The following GPATCH2 variants were observed in gnomAD, a reference collection of about 807,000 sequenced individuals.
The protein encoded by GPATCH2 is G-patch domain containing 2.
A neutral mutation model predicts 58.0 loss-of-function variants in GPATCH2; 51 were observed. That is an observed-to-expected ratio of 0.88 (90% CI 0.70 to 1.11). GPATCH2 has a LOEUF of 1.11. GPATCH2 is among the 50% of genes most tolerant of loss of function. The pLI is 0.00. For missense variants in GPATCH2, 625 were observed against 652.2 expected, an observed-to-expected ratio of 0.96 and a Z score of 0.45; for synonymous variants, 222 against 218.5, an observed-to-expected ratio of 1.02 and a Z score of -0.14.
intron 5 of GPATCH2, among the ~76,000 whole-genome samples, chr1:217,543,309 G>T (rs561547954): frequency 7.4e-6 from 1 of 135,844 alleles, no homozygotes; most frequent in Non-Finnish European, 1.5e-5. Flanking sequence ...TCGCTCTGTC[G>T]CCCAGGCTGG....
At chr1:217,514,714 T>C (rs943145672) in intron 6 of GPATCH2, 108 bp downstream of exon 6, 7 of 547,662 alleles carry the variant, frequency 1.3e-5, no homozygotes, top group Middle Eastern at 2.8e-4. Context: ...TACTTACTCT[T>C]TTTAAAAAGT....
At chr1:217,479,331 A>T (rs568580445) in intron 8 of GPATCH2, among the ~76,000 whole-genome samples, 1 of 152,202 alleles carries the variant, frequency 6.6e-6, no homozygotes, top group Non-Finnish European at 1.5e-5. Flanking sequence ...TTTTCAAGAC[A>T]GTACAAGAAG....
chr1:217,549,581 C>G (rs1335884628), intron 5 of GPATCH2, among the ~76,000 whole-genome samples: 3 of 152,122 alleles, frequency 2.0e-5, no homozygotes, highest in African/African-American at 7.2e-5. Flanking sequence ...CACAGAAGAC[C>G]ATTCAAAAGT....
intron 7 of GPATCH2, chr1:217,494,886 A>G (rs1558433320): frequency 6.7e-6 from 1 of 148,990 alleles, no homozygotes; most frequent in African/African-American, 2.5e-5. Context: ...TTCTTGATAC[A>G]TTTTTTTTTT....
intron 5 of GPATCH2, among the ~76,000 whole-genome samples, chr1:217,540,646 C>G (rs1664692868): frequency 6.6e-6 from 1 of 152,072 alleles, no homozygotes; most frequent in South Asian, 2.1e-4. Context: ...AATTCTGAAC[C>G]ACTTTAGTGG....
intron 5 of GPATCH2, among the ~76,000 whole-genome samples, chr1:217,516,505 A>G (rs955849064): frequency 6.6e-6 from 1 of 152,186 alleles, no homozygotes; most frequent in Non-Finnish European, 1.5e-5. Flanking sequence ...TCCTGCATTC[A>G]TCTCAAAATG....
intron 5 of GPATCH2, among the ~76,000 whole-genome samples, chr1:217,518,069 A>C (rs1220596326): frequency 6.6e-6 from 1 of 152,160 alleles, no homozygotes; most frequent in Non-Finnish European, 1.5e-5. Flanking sequence ...TAACGACTAC[A>C]ATCTGAAATA....
chr1:217,519,372 C>T (rs1663335441), intron 5 of GPATCH2, among the ~76,000 whole-genome samples: 1 of 152,072 alleles, frequency 6.6e-6, no homozygotes, highest in South Asian at 2.1e-4. Context: ...ACTTTTAAAG[C>T]AACATACAAA....
chr1:217,500,259 A>G (rs1277728550), intron 6 of GPATCH2, among the ~76,000 whole-genome samples: 1 of 152,064 alleles, frequency 6.6e-6, no homozygotes, highest in Non-Finnish European at 1.5e-5. Context: ...ATTAAAAAAT[A>G]TCTGAAAATA....
intron 5 of GPATCH2, among the ~76,000 whole-genome samples, chr1:217,604,066 TCTGG>T (rs1053792350): frequency 7.9e-5 from 12 of 151,862 alleles, no homozygotes; most frequent in African/African-American, 2.9e-4. Context: ...AGTGTCAGTT[TCTGG>T]CCGGGCACAG....
At chr1:217,524,225 C>T (rs1170925288) in intron 5 of GPATCH2, among the ~76,000 whole-genome samples, 64 of 49,680 alleles carry the variant, frequency 1.3e-3, no homozygotes, top group South Asian at 3.9e-3. Flanking sequence ...TCAGACAGGG[C>T]GGTTGCCAGG....
chr1:217,567,990 G>A (rs971142250), intron 5 of GPATCH2, among the ~76,000 whole-genome samples: 3 of 152,078 alleles, frequency 2.0e-5, no homozygotes, highest in African/African-American at 7.2e-5. Context: ...GGTGGCGGGC[G>A]CCTGCAGTCC....
chr1:217,531,669 A>C (rs1034357556), intron 5 of GPATCH2, among the ~76,000 whole-genome samples: 1 of 152,210 alleles, frequency 6.6e-6, no homozygotes, highest in Non-Finnish European at 1.5e-5. Flanking sequence ...GCTCATTACT[A>C]TCATTAATGA....
rs1043078883 is a variant in GPATCH2, at chr1:217,515,373, G to A, written c.1099-484C>T. ...GGCCTCCCAAAGTGTTGGGATTACA[G>A]GTGTGAGCCACCGCGCCCGACTCCT... On this transcript the variant is annotated intron_variant, in intron 5 of 9. Transcript: ENST00000366935. 6.6e-5 allele frequency among the ~76,000 whole-genome samples: 10 copies of A among 152,016 alleles called. No individual in the cohort carries two copies. The South Asian group carries it at 2.1e-3, about 32-fold the overall frequency.
chr1:217,469,441 T>C (rs1660621206), intron 8 of GPATCH2, among the ~76,000 whole-genome samples: 1 of 151,922 alleles, frequency 6.6e-6, no homozygotes, highest in Non-Finnish European at 1.5e-5. Flanking sequence ...AATAAATCAC[T>C]AAGGAATGAT....
At chr1:217,599,221 T>G (rs375402640) in intron 5 of GPATCH2, among the ~76,000 whole-genome samples, 32 of 152,282 alleles carry the variant, frequency 2.1e-4, no homozygotes, top group African/African-American at 7.0e-4. Flanking sequence ...AATCCGAATT[T>G]TATTAAGACG....
intron 5 of GPATCH2, among the ~76,000 whole-genome samples, chr1:217,540,829 C>A (rs1244406545): frequency 1.3e-5 from 2 of 152,194 alleles, no homozygotes; most frequent in Non-Finnish European, 2.9e-5. Flanking sequence ...TCCAAGGTGG[C>A]ATTTAATATC....
At chr1:217,593,243 C>T (rs1667672616) in intron 5 of GPATCH2, among the ~76,000 whole-genome samples, 1 of 151,806 alleles carries the variant, frequency 6.6e-6, no homozygotes, top group African/African-American at 2.4e-5. Flanking sequence ...ACAAATGTAT[C>T]AAAAACCAAA....
intron 9 of GPATCH2, among the ~76,000 whole-genome samples, chr1:217,433,361 C>CACATATATATATATATATATATATATAT (rs1491151192): frequency 5.1e-5 from 6 of 118,578 alleles, no homozygotes; most frequent in African/African-American, 2.0e-4. Context: ...TTAAGCTGTT[C>CACATATATATATATATATATATATATAT]ATATATATAT....
Sources: allele counts gnomAD v4.1 joint callset (sites outside exome capture counted in the v4.1 genomes callset), GRCh38; gene constraint gnomAD v4.1.1; transcripts MANE v1.5; gene names NCBI Gene and HGNC (gene_info 2026-07-23, HGNC 2026-07-21).